Variants in ADAMTS20 observed in about 807,000 individuals in gnomAD.
The protein encoded by ADAMTS20 is ADAM metallopeptidase with thrombospondin type 1 motif 20, also known as A disintegrin and metalloproteinase with thrombospondin motifs 20.
A neutral mutation model predicts 260.1 loss-of-function variants in ADAMTS20; 225 were observed. That is an observed-to-expected ratio of 0.87 (90% CI 0.78 to 0.97). ADAMTS20 has a LOEUF of 0.97. Among genes scored for constraint, ADAMTS20 ranks in the 50% least tolerant of loss-of-function variants. The probability of loss-of-function intolerance (pLI) is 0.00; values close to 1 mark genes in which losing one functional copy is unlikely to be tolerated. For missense variants in ADAMTS20, 2,400 were observed against 2,337.7 expected, an observed-to-expected ratio of 1.03 and a Z score of -0.55; for synonymous variants, 802 against 769.5, an observed-to-expected ratio of 1.04 and a Z score of -0.70.
intron 37 of ADAMTS20, among the ~76,000 whole-genome samples, chr12:43,360,118 C>G (rs929954910): frequency 1.3e-5 from 2 of 152,108 alleles, no homozygotes; most frequent in African/African-American, 2.4e-5. Flanking sequence ...CGTAAGGAAA[C>G]AAACAACTCA....
At chr12:43,405,227 TA>T (rs1940889953) in intron 28 of ADAMTS20, among the ~76,000 whole-genome samples, 4 of 11,542 alleles carry the variant, frequency 3.5e-4, no homozygotes, top group Non-Finnish European at 5.3e-4. Flanking sequence ...ACCTCATCTC[TA>T]CAAAAAAAAA....
intron 7 of ADAMTS20, among the ~76,000 whole-genome samples, chr12:43,482,101 T>G (rs1942451469): frequency 6.6e-6 from 1 of 152,204 alleles, no homozygotes; most frequent in African/African-American, 2.4e-5. Context: ...CAGTGTGTAC[T>G]CCCAGTCTCC....
At chr12:43,494,075 C>T (rs561383129) in intron 4 of ADAMTS20, among the ~76,000 whole-genome samples, 1 of 152,292 alleles carries the variant, frequency 6.6e-6, no homozygotes, top group South Asian at 2.1e-4. Flanking sequence ...TGGCCAATGC[C>T]TCTGCCTGGT....
intron 26 of ADAMTS20, 75 bp from the exon 27 acceptor site, chr12:43,427,544 ATCAGCATTGACTC>A: frequency 7.4e-7 from 1 of 1,349,278 alleles, no homozygotes. Context: ...AAAAAAAAAA[ATCAGCATTGACTC>A]AATCAAAATC....
intron 3 of ADAMTS20, among the ~76,000 whole-genome samples, chr12:43,503,452 G>A (rs1012634013): frequency 2.0e-5 from 3 of 151,852 alleles, no homozygotes; most frequent in East Asian, 1.9e-4. Flanking sequence ...TTTTAAGTAC[G>A]AATGTAATCC....
At position 43,376,052 on chromosome 12, in the gene ADAMTS20, C is replaced by G; in HGVS notation, c.5312+5G>C. 6.3e-7 allele frequency: 1 copy of G among 1,593,292 alleles called. No individual in the cohort carries two copies. ...TGCTCAGATAGACCAAAACACATCT[C>G]GTACCTAAAGCCATACACTTCAGAA... On this transcript the variant is annotated splice_donor_5th_base_variant and intron_variant, in intron 35 of 38. Coordinates refer to ENST00000389420, the MANE Select transcript of ADAMTS20 (RefSeq NM_025003.5).
At chr12:43,367,385 T>G (rs1940010924) in intron 37 of ADAMTS20, among the ~76,000 whole-genome samples, 1 of 151,998 alleles carries the variant, frequency 6.6e-6, no homozygotes, top group African/African-American at 2.4e-5. Flanking sequence ...AGGTTGTGTT[T>G]CAACATATAA....
At chr12:43,507,502 C>T (rs1942863735) in intron 3 of ADAMTS20, among the ~76,000 whole-genome samples, 1 of 152,154 alleles carries the variant, frequency 6.6e-6, no homozygotes, top group Non-Finnish European at 1.5e-5. Context: ...GAACAAATCC[C>T]ATCTTATCTT....
intron 7 of ADAMTS20, 136 bp downstream of exon 7, chr12:43,490,259 G>A: frequency 2.1e-6 from 1 of 484,424 alleles, no homozygotes; most frequent in South Asian, 3.1e-5. Context: ...TGAAATAAGT[G>A]ACAAGTGTAA....
At chr12:43,549,651 A>G (rs1943486752) in intron 2 of ADAMTS20, among the ~76,000 whole-genome samples, 1 of 152,072 alleles carries the variant, frequency 6.6e-6, no homozygotes, top group East Asian at 1.9e-4. Context: ...AAGGTTTTAG[A>G]AGGAGAATTT....
chr12:43,444,951 G>T (rs554307695), intron 15 of ADAMTS20, among the ~76,000 whole-genome samples: 1 of 151,988 alleles, frequency 6.6e-6, no homozygotes, highest in African/African-American at 2.4e-5. Context: ...TTCATGATTC[G>T]GTATACACTA....
chr12:43,439,710 A>T lies in ADAMTS20; in HGVS notation c.2505T>A (p.Tyr835Ter). The change falls in exon 18 of 39, where the codon TAT becomes TAA. Residue 835 changes from tyrosine (Y) to a stop codon, truncating the protein, a stop_gained. Transcript: ENST00000389420. LOFTEE classifies it high-confidence loss of function. The part of the protein sequence containing the change: ...VGNLYNPDVH[Y>*]SFNIPLEERS... ...TCTCTTCCAAAGGGATATTGAAGGA[A>T]TAATGTACATCAGGGTTGTATAAAT... is the stretch of plus-strand genomic sequence containing the variant. 1 of 1,613,802 alleles carries T rather than the reference A, an allele frequency of 6.2e-7. No individual in the cohort carries two copies. Among genetic ancestry groups the T allele is most frequent in the Non-Finnish European group, 8.5e-7 (1 of 1,179,746 alleles).
intron 28 of ADAMTS20, among the ~76,000 whole-genome samples, chr12:43,408,503 A>T (rs1243300923): frequency 6.6e-6 from 1 of 152,234 alleles, no homozygotes; most frequent in Non-Finnish European, 1.5e-5. Context: ...GTTAACAGCC[A>T]TAAAGCCAAG....
intron 28 of ADAMTS20, chr12:43,423,704 T>C (rs557690683): frequency 2.3e-5 from 16 of 701,714 alleles, no homozygotes; most frequent in Non-Finnish European, 3.9e-5. Flanking sequence ...TTATAGTGAG[T>C]TCTTATAGTA....
chr12:43,469,630 A>AT (rs1197604774), intron 7 of ADAMTS20, among the ~76,000 whole-genome samples: 4 of 151,630 alleles, frequency 2.6e-5, no homozygotes, highest in East Asian at 1.9e-4. Context: ...CAAAAAAAAG[A>AT]TTTTTTCATA....
intron 2 of ADAMTS20, among the ~76,000 whole-genome samples, chr12:43,542,791 T>C (rs1269612392): frequency 6.6e-6 from 1 of 152,242 alleles, no homozygotes; most frequent in Non-Finnish European, 1.5e-5. Flanking sequence ...GGGATTATAC[T>C]GTCAAAGAAA....
chr12:43,481,866 G>T (rs1422501059), intron 7 of ADAMTS20, among the ~76,000 whole-genome samples: 1 of 152,100 alleles, frequency 6.6e-6, no homozygotes, highest in Non-Finnish European at 1.5e-5. Flanking sequence ...CCGAAAAATG[G>T]AAAGAAACCA....
chr12:43,379,598 A>C (rs1940305241), intron 31 of ADAMTS20, among the ~76,000 whole-genome samples: 1 of 152,208 alleles, frequency 6.6e-6, no homozygotes, highest in African/African-American at 2.4e-5. Flanking sequence ...GGCAAAGGCT[A>C]GGGAACCAAA....
intron 37 of ADAMTS20, among the ~76,000 whole-genome samples, chr12:43,364,942 G>A (rs1472399673): frequency 1.3e-5 from 2 of 151,942 alleles, no homozygotes; most frequent in African/African-American, 4.8e-5. Context: ...TAGACACAAA[G>A]AGATGCACAT....
Sources: gnomAD v4.1 joint callset for allele counts (sites outside exome capture counted in the v4.1 genomes callset) on GRCh38, gnomAD v4.1.1 for gene constraint, MANE v1.5 for transcripts, NCBI Gene and HGNC (gene_info 2026-07-23, HGNC 2026-07-21) for gene names.